AUTS2: variants seen among roughly 807,000 people sequenced by gnomAD.
AUTS2 encodes autism susceptibility gene 2 protein.
In AUTS2, 17 loss-of-function variants were observed where a neutral mutation model predicts 112.4. That is an observed-to-expected ratio of 0.15 (90% CI 0.10 to 0.23). The LOEUF (loss-of-function observed/expected upper bound fraction) is 0.23, where lower values mean the gene tolerates loss of function less well. Among genes scored for constraint, AUTS2 ranks in the 10% least tolerant of loss-of-function variants. The probability of loss-of-function intolerance (pLI) is 1.00; values close to 1 mark genes in which losing one functional copy is unlikely to be tolerated. For missense variants in AUTS2, 1,510 were observed against 1,701.6 expected, an observed-to-expected ratio of 0.89 and a Z score of 1.98; for synonymous variants, 751 against 702.7, an observed-to-expected ratio of 1.07 and a Z score of -1.09.
Position 70,763,306 on chromosome 7 carries a change from C to G in AUTS2, c.1179C>G (p.Ala393=). The change falls in exon 7 of 19, where the codon GCC becomes GCG. Residue 393 remains alanine, a synonymous_variant. Transcript: ENST00000342771. ...SAQSLSQPLS[A]YNSSSLSLNS... Reference sequence around the variant, plus strand: ...AGAGCCTCTCCCAGCCATTGTCAGCCTACAACAGCAGTAGCTTAAGCCTCA... The same window carrying G: ...AGAGCCTCTCCCAGCCATTGTCAGCGTACAACAGCAGTAGCTTAAGCCTCA... The G allele has an allele frequency of 1.3e-6, 2 of 1,598,208 alleles. No homozygotes were observed. The highest frequency in any genetic ancestry group is 1.7e-6 in the Non-Finnish European group (2 of 1,170,922).
chr7:70,020,772 C>T (rs1314105057), intron 2 of AUTS2, among the ~76,000 whole-genome samples: 3 of 152,070 alleles, frequency 2.0e-5, no homozygotes, highest in Non-Finnish European at 4.4e-5. Context: ...CAGCCTTGAT[C>T]TCCCAGGCTC....
chr7:70,313,185 G>A lies in AUTS2; in HGVS notation c.661-122567G>A, dbSNP rs115120187. 8.8e-3 allele frequency among the ~76,000 whole-genome samples: 1,345 copies of A among 152,282 alleles called. 22 individuals carry two copies. The highest frequency in any genetic ancestry group is 0.031 in the African/African-American group (1,282 of 41,546). On this transcript the variant is annotated intron_variant, in intron 4 of 18. Coordinates refer to ENST00000342771, the MANE Select transcript of AUTS2 (RefSeq NM_015570.4). ...GAGTTTAAGGACGACCCCCAATTCT[G>A]AGAGTACTCAGGGTTAGACTTGATG...
intron 1 of AUTS2, among the ~76,000 whole-genome samples, chr7:69,626,075 CGAG>C (rs1793929804): frequency 6.6e-6 from 1 of 151,978 alleles, no homozygotes; most frequent in African/African-American, 2.4e-5. Context: ...TTGACAGAAA[CGAG>C]AGGGTGTTCC....
At chr7:70,300,216 C>T (rs1789145261) in intron 4 of AUTS2, among the ~76,000 whole-genome samples, 1 of 152,144 alleles carries the variant, frequency 6.6e-6, no homozygotes, top group African/African-American at 2.4e-5. Context: ...AATACAGTAA[C>T]ACTAACGATA....
At chr7:70,515,923 A>G (rs1446263862) in intron 5 of AUTS2, among the ~76,000 whole-genome samples, 3 of 152,146 alleles carry the variant, frequency 2.0e-5, no homozygotes, top group Non-Finnish European at 4.4e-5. Context: ...AATTAGTTCA[A>G]CTTATCAGCC....
chr7:69,934,783 A>T (rs1172165303), intron 2 of AUTS2, among the ~76,000 whole-genome samples: 1 of 152,144 alleles, frequency 6.6e-6, no homozygotes, highest in Non-Finnish European at 1.5e-5. Context: ...GTCTTGACAG[A>T]TGCTGTCGTT....
chr7:70,335,459 T>C (rs1340060251), intron 4 of AUTS2, among the ~76,000 whole-genome samples: 1 of 152,208 alleles, frequency 6.6e-6, no homozygotes, highest in East Asian at 1.9e-4. Context: ...TCTTTGTCCA[T>C]GGCCATACTT....
chr7:69,983,594 A>G (rs1312001526), intron 2 of AUTS2, among the ~76,000 whole-genome samples: 1 of 152,172 alleles, frequency 6.6e-6, no homozygotes, highest in East Asian at 1.9e-4. Context: ...TGTAGATCAA[A>G]CAATTGATGA....
chr7:69,919,797 G>A (rs1714811023), intron 2 of AUTS2, among the ~76,000 whole-genome samples: 1 of 152,024 alleles, frequency 6.6e-6, no homozygotes, highest in Admixed American at 6.6e-5. Flanking sequence ...AAAAAACTAG[G>A]AACTACCTGG....
intron 1 of AUTS2, among the ~76,000 whole-genome samples, chr7:69,680,439 T>G (rs1463658212): frequency 6.6e-6 from 1 of 152,136 alleles, no homozygotes; most frequent in African/African-American, 2.4e-5. Flanking sequence ...ATCATTGTTG[T>G]TTTTTATTGT....
rs1241609694 is a variant in AUTS2 at position 69,770,886 on chromosome 7, C to A, written c.310-128400C>A. On this transcript the variant is annotated intron_variant, in intron 1 of 18. Transcript: ENST00000342771. ...AATATAAAACCGATCTGTTCATGAACACCAGTAAATTGCACTTAAAAAAAA... is the reference window on the plus strand; with the variant it reads ...AATATAAAACCGATCTGTTCATGAAAACCAGTAAATTGCACTTAAAAAAAA... Among the ~76,000 whole-genome samples the A allele has an allele frequency of 2.0e-5, 3 of 151,956 alleles. No individual in the cohort carries two copies. The East Asian group carries it at 5.8e-4, about 29-fold the overall frequency.
chr7:70,517,856 T>C (rs1339397790), intron 5 of AUTS2, among the ~76,000 whole-genome samples: 4 of 152,128 alleles, frequency 2.6e-5, no homozygotes, highest in African/African-American at 9.7e-5. Context: ...ACATGATTTG[T>C]ATCCAGTTAC....
At chr7:69,609,946 A>G (rs775682840) in intron 1 of AUTS2, among the ~76,000 whole-genome samples, 1 of 152,264 alleles carries the variant, frequency 6.6e-6, no homozygotes, top group Non-Finnish European at 1.5e-5. Flanking sequence ...AATGTAAACC[A>G]TAAACCAGGA....
chr7:70,474,940 T>A (rs1797525209), intron 5 of AUTS2, among the ~76,000 whole-genome samples: 1 of 152,184 alleles, frequency 6.6e-6, no homozygotes, highest in South Asian at 2.1e-4. Context: ...TGTCTCCATC[T>A]CCACGGAAAC....
chr7:69,952,189 A>G (rs1426449074), intron 2 of AUTS2, among the ~76,000 whole-genome samples: 1 of 152,042 alleles, frequency 6.6e-6, no homozygotes, highest in Non-Finnish European at 1.5e-5. Context: ...GTGTAAATTT[A>G]TATTTGTGGT....
intron 1 of AUTS2, among the ~76,000 whole-genome samples, chr7:69,751,980 A>G (rs1406674983): frequency 1.3e-5 from 2 of 152,212 alleles, no homozygotes; most frequent in African/African-American, 4.8e-5. Flanking sequence ...ACTAAAAGTT[A>G]AATTTTTTTT....
intron 1 of AUTS2, among the ~76,000 whole-genome samples, chr7:69,787,045 A>G (rs748642026): frequency 1.3e-5 from 2 of 152,204 alleles, no homozygotes; most frequent in Non-Finnish European, 2.9e-5. Flanking sequence ...GTTGCCTACT[A>G]TCAGAACTAA....
At chr7:69,907,230 G>T (rs1011059620) in intron 2 of AUTS2, among the ~76,000 whole-genome samples, 11 of 152,096 alleles carry the variant, frequency 7.2e-5, no homozygotes, top group African/African-American at 2.7e-4. Context: ...ATACAACTGT[G>T]TGAGGTTCTT....
intron 2 of AUTS2, among the ~76,000 whole-genome samples, chr7:69,943,600 G>A (rs574637854): frequency 2.0e-5 from 3 of 152,044 alleles, no homozygotes; most frequent in African/African-American, 7.2e-5. Context: ...GGTCTATCAG[G>A]GAGATATTTT....
Sources: gnomAD v4.1 joint callset for allele counts (sites outside exome capture counted in the v4.1 genomes callset) on GRCh38, gnomAD v4.1.1 for gene constraint, MANE v1.5 for transcripts, NCBI Gene and HGNC (gene_info 2026-07-23, HGNC 2026-07-21) for gene names.